EDEM3: variants seen among roughly 807,000 people sequenced by gnomAD.
EDEM3 encodes the protein ER degradation enhancing alpha-mannosidase like protein 3, also known as ER degradation-enhancing alpha-mannosidase-like protein 3.
EDEM3 carries 60 observed loss-of-function variants against 110.2 expected under a neutral mutation model. That is an observed-to-expected ratio of 0.54 (90% CI 0.44 to 0.67). The LOEUF is 0.67. Among genes scored for constraint, EDEM3 ranks in the 30% least tolerant of loss-of-function variants. The pLI is 0.00. For synonymous variants in EDEM3, 352 were observed against 382.9 expected (o/e 0.92, Z 0.94); for missense variants, 996 against 1,121.0 (o/e 0.89, Z 1.59).
chr1:184,708,029 G>A, intron 17 of EDEM3, 124 bp downstream of exon 17: 1 of 867,086 alleles, frequency 1.2e-6, no homozygotes, highest in Non-Finnish European at 1.7e-6. Flanking sequence ...CTTAAATCCA[G>A]GAGATTGACT....
chr1:184,719,857 C>G (rs1002471999), intron 9 of EDEM3, among the ~76,000 whole-genome samples: 1 of 152,192 alleles, frequency 6.6e-6, no homozygotes, highest in Non-Finnish European at 1.5e-5. Context: ...GGCGTTAGCC[C>G]GTGGTTGGTA....
chr1:184,710,349 A>C (rs759002316), intron 16 of EDEM3, 45 bp downstream of exon 16: 1 of 1,587,634 alleles, frequency 6.3e-7, no homozygotes, highest in East Asian at 2.3e-5. Flanking sequence ...GCGACCAAAG[A>C]AAGCAGGGCA....
chr1:184,710,307 A>T, intron 16 of EDEM3, 87 bp downstream of exon 16: 1 of 1,466,070 alleles, frequency 6.8e-7, no homozygotes, highest in Non-Finnish European at 9.2e-7. Flanking sequence ...AGTGTTTAGA[A>T]AGTTGAAATC....
chr1:184,733,338 A>G (rs1321414776), intron 5 of EDEM3, among the ~76,000 whole-genome samples: 2 of 152,198 alleles, frequency 1.3e-5, no homozygotes, highest in Admixed American at 1.3e-4. Context: ...GAAGTCTTTA[A>G]CTTAGAATAT....
intron 18 of EDEM3, 109 bp downstream of exon 18, chr1:184,706,534 T>A: frequency 9.8e-7 from 1 of 1,018,638 alleles, no homozygotes; most frequent in Non-Finnish European, 1.4e-6. Context: ...CTAGGTGAGG[T>A]AAAAAAAACT....
chr1:184,723,277 C>A (rs1018920186), intron 8 of EDEM3, among the ~76,000 whole-genome samples: 1 of 151,844 alleles, frequency 6.6e-6, no homozygotes. Context: ...TATTAATATG[C>A]CCACTTTACA....
At position 184,734,637 on chromosome 1, in the gene EDEM3, T is replaced by C. The variant is rs767960652; in HGVS notation, c.352A>G (p.Asn118Asp). ...GCATCTTCAAATTCTTTAGTTTTAT[T>C]TAAAACCTGGGAGAAGAAAATTATG... The part of the protein sequence containing the change: ...IDSLDTLVVL[N>D]KTKEFEDAVR... The change falls in exon 5 of 20, where the codon AAT (asparagine) becomes GAT (aspartate). Residue 118 changes from asparagine (N) to aspartate (D), a missense_variant. Asn to Asp is a conservative substitution (Grantham distance 23, BLOSUM62 1). Coordinates refer to ENST00000318130, the MANE Select transcript of EDEM3 (RefSeq NM_025191.4). 2.9e-6 allele frequency: 4 copies of C among 1,386,396 alleles called. No homozygotes were observed. Among genetic ancestry groups the C allele is most frequent in the Non-Finnish European group, 9.9e-7 (1 of 1,006,602 alleles). 85.9% of individuals were successfully genotyped at this position (1,386,396 alleles called of 1,614,324 possible). A position where few individuals can be genotyped will look rare whatever the true frequency, so the allele number is the denominator to read the frequency against.
At chr1:184,712,923 A>G (rs1025280931) in intron 13 of EDEM3, among the ~76,000 whole-genome samples, 3 of 152,194 alleles carry the variant, frequency 2.0e-5, no homozygotes, top group Non-Finnish European at 4.4e-5. Context: ...GGTAACTGAT[A>G]AATTTTACTA....
At chr1:184,708,438 C>A in intron 16 of EDEM3, 94 bp from the exon 17 acceptor site, 1 of 1,284,312 alleles carries the variant, frequency 7.8e-7, no homozygotes. Flanking sequence ...GTATTCTACT[C>A]TACAACTTCT....
intron 5 of EDEM3, among the ~76,000 whole-genome samples, chr1:184,734,150 A>G (rs900002498): frequency 2.0e-5 from 3 of 152,208 alleles, no homozygotes; most frequent in Non-Finnish European, 4.4e-5. Context: ...CAAGAAATAA[A>G]CAGTATATCC....
rs538626725 is a variant in EDEM3 at position 184,740,868 on chromosome 1, T to C, written c.205-3157A>G. The stretch of plus-strand genomic sequence containing the variant: ...GTGGTTGTGACATAAAGGTTGAAGA[T>C]GTCACAGAAAAAGCTATGCCCACAA... On this transcript the variant is annotated intron_variant, in intron 2 of 19. Transcript: ENST00000318130. Among the ~76,000 whole-genome samples, 5 of 152,280 alleles carry C rather than the reference T, an allele frequency of 3.3e-5. No homozygotes were observed. The South Asian group carries it at 8.3e-4, about 25-fold the overall frequency.
chr1:184,737,765 A>AT, intron 2 of EDEM3, 54 bp from the exon 3 acceptor site: 1 of 1,459,400 alleles, frequency 6.9e-7, no homozygotes. Flanking sequence ...AGCACACATC[A>AT]TTTTGAGAAC....
intron 8 of EDEM3, among the ~76,000 whole-genome samples, chr1:184,722,184 C>T (rs1237284641): frequency 3.9e-5 from 6 of 151,914 alleles, no homozygotes; most frequent in African/African-American, 1.4e-4. Flanking sequence ...ACTAGTGACT[C>T]GTCTTTTTAC....
At chr1:184,704,416 A>G (rs1649796538) in intron 18 of EDEM3, among the ~76,000 whole-genome samples, 1 of 151,898 alleles carries the variant, frequency 6.6e-6, no homozygotes, top group Non-Finnish European at 1.5e-5. Flanking sequence ...GCACTTTTGG[A>G]GGCCAAGGCA....
chr1:184,754,817 C>A lies in EDEM3; in HGVS notation c.-171G>T. On this transcript the variant is annotated 5_prime_UTR_variant, in exon 1 of 20. Transcript: ENST00000318130. ...CCGAAGCCACCAAGCCGGTCCCCAGCGCCAGCGCTGCCACCGCCCTCCGCC... is the reference window on the plus strand; with the variant it reads ...CCGAAGCCACCAAGCCGGTCCCCAGAGCCAGCGCTGCCACCGCCCTCCGCC... 8.9e-7 allele frequency: 1 copy of A among 1,129,208 alleles called. No homozygotes were observed. Among genetic ancestry groups the A allele is most frequent in the Non-Finnish European group, 1.2e-6 (1 of 843,014 alleles). 69.9% of individuals were successfully genotyped at this position (1,129,208 alleles called of 1,614,324 possible).
chr1:184,717,870 A>G (rs1016245492), intron 11 of EDEM3, among the ~76,000 whole-genome samples: 3 of 152,010 alleles, frequency 2.0e-5, no homozygotes, highest in Non-Finnish European at 2.9e-5. Flanking sequence ...GAAAAACTCC[A>G]TAATGAAACT....
At chr1:184,719,949 G>A (rs1480303472) in intron 9 of EDEM3, among the ~76,000 whole-genome samples, 1 of 152,154 alleles carries the variant, frequency 6.6e-6, no homozygotes, top group Non-Finnish European at 1.5e-5. Context: ...GCTTTTTCCT[G>A]TATCTTGGAA....
At chr1:184,726,878 G>A (rs1651222543) in intron 6 of EDEM3, among the ~76,000 whole-genome samples, 1 of 152,134 alleles carries the variant, frequency 6.6e-6, no homozygotes, top group African/African-American at 2.4e-5. Flanking sequence ...ACATTTGAAA[G>A]GAAATTAAAA....
chr1:184,743,144 A>G (rs906103691), intron 2 of EDEM3, among the ~76,000 whole-genome samples: 9 of 152,354 alleles, frequency 5.9e-5, no homozygotes, highest in African/African-American at 2.2e-4. Flanking sequence ...GTGTAAAAAT[A>G]CTTTGTCTCT....
Sources: allele counts gnomAD v4.1 joint callset (sites outside exome capture counted in the v4.1 genomes callset), GRCh38; gene constraint gnomAD v4.1.1; transcripts MANE v1.5; gene names NCBI Gene and HGNC (gene_info 2026-07-23, HGNC 2026-07-21).